The following FAS variants were observed in gnomAD, a reference collection of about 807,000 sequenced individuals.
FAS encodes tumor necrosis factor receptor superfamily member 6.
A neutral mutation model predicts 33.2 loss-of-function variants in FAS; 5 were observed. That is an observed-to-expected ratio of 0.15 (90% CI 0.08 to 0.32). The LOEUF is 0.32. FAS is among the 10% of genes least tolerant of loss of function. The pLI, the probability that FAS is intolerant of heterozygous loss-of-function variation, is 1.00. For missense variants in FAS, 339 were observed against 386.0 expected (o/e 0.88, Z 1.02); for synonymous variants, 131 against 130.7 (o/e 1.00, Z -0.01).
At chr10:88,976,588 A>T (rs1435075051) in intron 2 of FAS, among the ~76,000 whole-genome samples, 1 of 152,248 alleles carries the variant, frequency 6.6e-6, no homozygotes. Flanking sequence ...ACTAAATTGA[A>T]AATGACTAAC....
At chr10:89,011,918 TTC>T in intron 6 of FAS, 79 bp from the exon 7 acceptor site, 1 of 1,237,110 alleles carries the variant, frequency 8.1e-7, no homozygotes, top group South Asian at 1.3e-5. Flanking sequence ...CTTCTTATAT[TTC>T]TCTTAGTGTG....
upstream of FAS, among the ~76,000 whole-genome samples, chr10:88,982,229 G>T (rs570905126): frequency 6.6e-6 from 1 of 152,242 alleles, no homozygotes; most frequent in Admixed American, 6.5e-5. Context: ...TACCTCCCAA[G>T]ATTTTTATGA....
intron 1 of FAS, among the ~76,000 whole-genome samples, chr10:88,970,833 C>A (rs1255247412): frequency 1.3e-5 from 2 of 151,920 alleles, no homozygotes; most frequent in Non-Finnish European, 2.9e-5. Flanking sequence ...CAAACCTGCA[C>A]GTTGTGCACA....
chr10:88,986,122 T>A (rs1029589226), upstream of FAS, among the ~76,000 whole-genome samples: 1 of 152,196 alleles, frequency 6.6e-6, no homozygotes, highest in African/African-American at 2.4e-5. Flanking sequence ...ACAAGTAGAC[T>A]ACAGAAATGG....
upstream of FAS, among the ~76,000 whole-genome samples, chr10:88,983,212 T>C (rs111361601): frequency 2.0e-5 from 3 of 152,094 alleles, no homozygotes; most frequent in South Asian, 6.2e-4. Flanking sequence ...CTTAGAGGAG[T>C]GAACATAAAC....
chr10:88,980,921 A>C (rs893544567), intron 2 of FAS, among the ~76,000 whole-genome samples: 1 of 152,222 alleles, frequency 6.6e-6, no homozygotes, highest in Non-Finnish European at 1.5e-5. Context: ...GAAAGTTCTA[A>C]ATTTGGAAAG....
At chr10:88,976,684 T>C (rs1252821447) in intron 2 of FAS, among the ~76,000 whole-genome samples, 3 of 152,208 alleles carry the variant, frequency 2.0e-5, no homozygotes, top group African/African-American at 4.8e-5. Flanking sequence ...TTGAGACAGA[T>C]GATTATAATT....
Position 88,990,924 on chromosome 10 carries a change from C to G in FAS, c.30+18C>G. On this transcript the variant is annotated intron_variant, in intron 1 of 8. Coordinates refer to ENST00000652046, the MANE Select transcript of FAS (RefSeq NM_000043.6). This position sits in a 1 kb window ranked among gnomAD's most constrained non-coding sequence, Gnocchi z 4.9. ...TACCTCTGGTGAGCCCTCTCCTGCC[C>G]GGGTGGAGGCTTACCCCGTCTTAGT... The G allele has an allele frequency of 6.2e-7, 1 of 1,614,174 alleles. No individual in the cohort carries two copies. The highest frequency in any genetic ancestry group is 8.5e-7 in the Non-Finnish European group (1 of 1,180,000).
At chr10:88,975,582 G>T (rs190986299) in intron 2 of FAS, among the ~76,000 whole-genome samples, 1 of 152,270 alleles carries the variant, frequency 6.6e-6, no homozygotes, top group Admixed American at 6.5e-5. Flanking sequence ...TGGGCTCTGG[G>T]CTTAGGAAAA....
chr10:89,014,464 A>T lies in FAS; in HGVS notation c.*14A>T. ...AGCTTGGTCTAGAGTGAAAAACAAC[A>T]AATTCAGTTCTGAGTATATGCAATT... is the stretch of plus-strand genomic sequence containing the variant. On this transcript the variant is annotated 3_prime_UTR_variant, in exon 9 of 9. Coordinates refer to ENST00000652046, the MANE Select transcript of FAS (RefSeq NM_000043.6). The T allele has an allele frequency of 6.2e-7, 1 of 1,602,622 alleles. No homozygotes were observed. The highest frequency in any genetic ancestry group is 8.5e-7 in the Non-Finnish European group (1 of 1,177,460).
rs773263917 is a variant in FAS, at chr10:89,014,492, T to C, written c.*42T>C. ...TTCAGTTCTGAGTATATGCAATTAG[T>C]GTTTGAAAAGATTCTTAATAGCTGG... On this transcript the variant is annotated 3_prime_UTR_variant, in exon 9 of 9. Transcript: ENST00000652046. The C allele has an allele frequency of 2.5e-6, 4 of 1,570,022 alleles. No individual in the cohort carries two copies. The Admixed American group carries it at 6.8e-5, about 27-fold the overall frequency.
At chr10:88,978,789 C>T (rs2133342116) in intron 2 of FAS, among the ~76,000 whole-genome samples, 1 of 152,234 alleles carries the variant, frequency 6.6e-6, no homozygotes. Flanking sequence ...CTAAATTGTT[C>T]CACGTCTAAT....
At chr10:88,994,182 G>A (rs1311516769) in intron 1 of FAS, among the ~76,000 whole-genome samples, 1 of 152,144 alleles carries the variant, frequency 6.6e-6, no homozygotes, top group East Asian at 1.9e-4. Context: ...GTGTTTCAAA[G>A]GAATCTCTTT....
At chr10:88,966,167 G>C (rs1693554925) in intron 1 of FAS, among the ~76,000 whole-genome samples, 1 of 152,188 alleles carries the variant, frequency 6.6e-6, no homozygotes, top group Admixed American at 6.6e-5. Context: ...GAAGCACTTG[G>C]ACAGAGGGTA....
In FAS at chr10:89,010,587, G is replaced by T. The variant is rs754523974; in HGVS notation, c.492G>T (p.Lys164Asn). 4.6e-5 allele frequency: 74 copies of T among 1,613,636 alleles called. No individual in the cohort carries two copies. The highest frequency in any genetic ancestry group is 5.9e-5 in the Non-Finnish European group (70 of 1,179,856). Reference sequence around the variant, plus strand: ...AATGCACACTCACCAGCAACACCAAGTGCAAAGAGGAAGGTAATTATTTTT... The same window carrying T: ...AATGCACACTCACCAGCAACACCAATTGCAAAGAGGAAGGTAATTATTTTT... ...IKECTLTSNT[K>N]CKEEGSRSNL... is the part of the protein sequence containing the mutation. The change falls in exon 5 of 9, where the codon AAG (lysine) becomes AAT (asparagine). Residue 164 changes from lysine (K) to asparagine (N), a missense_variant. By Grantham distance (94) the Lys-to-Asn change is moderately conservative. Around this residue, in one of 3 missense-constraint regions of FAS, gnomAD observed 276 missense variants for 300.1 expected, o/e 0.92. Coordinates refer to ENST00000652046, the MANE Select transcript of FAS (RefSeq NM_000043.6).
At chr10:88,978,312 G>A (rs1475407486) in intron 2 of FAS, among the ~76,000 whole-genome samples, 2 of 149,082 alleles carry the variant, frequency 1.3e-5, no homozygotes, top group Non-Finnish European at 3.0e-5. Context: ...TGACGAGTTA[G>A]TGGGTGCAGC....
Position 89,016,359 on chromosome 10 carries a change from T to C in FAS, c.*1909T>C. 1 of 218,786 alleles carries C rather than the reference T, an allele frequency of 4.6e-6. No individual in the cohort carries two copies. The highest frequency in any genetic ancestry group is 9.2e-6 in the Non-Finnish European group (1 of 108,926). 13.6% of individuals were successfully genotyped at this position (218,786 alleles called of 1,614,324 possible). A position where few individuals can be genotyped will look rare whatever the true frequency, so the allele number is the denominator to read the frequency against. On this transcript the variant is annotated 3_prime_UTR_variant, in exon 9 of 9. Coordinates refer to ENST00000652046, the MANE Select transcript of FAS (RefSeq NM_000043.6). ...ATTTCTCTTTTCTGAGCCATCATAG[T>C]CTGTGCTGTCTGCTCTCCAGTTTTC...
intron 2 of FAS, among the ~76,000 whole-genome samples, chr10:88,978,635 T>C (rs1484650493): frequency 6.6e-6 from 1 of 152,114 alleles, no homozygotes; most frequent in Non-Finnish European, 1.5e-5. Context: ...TGCTGAGAGA[T>C]GGGTCTAGTC....
At chr10:88,973,207 T>C (rs774518423) in exon 2 of FAS, 3 of 1,612,468 alleles carry the variant, frequency 1.9e-6, no homozygotes, top group African/African-American at 1.3e-5. Context: ...TCTGGGATAA[T>C]TTCTGGCACT....
Sources: gnomAD v4.1 joint callset for allele counts (sites outside exome capture counted in the v4.1 genomes callset) on GRCh38, gnomAD v4.1.1 for gene constraint, gnomAD v4.1.1 regional missense constraint, Gnocchi (gnomAD v3.1) non-coding constraint, MANE v1.5 for transcripts, NCBI Gene and HGNC (gene_info 2026-07-23, HGNC 2026-07-21) for gene names.